The following PAFAH1B1 variants were observed in gnomAD, a reference collection of about 807,000 sequenced individuals.
The protein encoded by PAFAH1B1 is platelet-activating factor acetylhydrolase IB subunit beta.
Under a neutral mutation model 57.5 loss-of-function variants are expected in PAFAH1B1, and 2 were observed. That is an observed-to-expected ratio of 0.03 (90% CI 0.01 to 0.11). PAFAH1B1 has a LOEUF of 0.11. Among genes scored for constraint, PAFAH1B1 ranks in the 10% least tolerant of loss-of-function variants. PAFAH1B1 has a pLI of 1.00. For synonymous variants in PAFAH1B1, 152 were observed against 169.6 expected, an observed-to-expected ratio of 0.90 and a Z score of 0.81; for missense variants, 257 against 512.0, an observed-to-expected ratio of 0.50 and a Z score of 4.81.
chr17:2,657,283 A>T (rs1354723406), intron 2 of PAFAH1B1, among the ~76,000 whole-genome samples: 1 of 152,110 alleles, frequency 6.6e-6, no homozygotes, highest in Non-Finnish European at 1.5e-5. Flanking sequence ...TCACTGTGTC[A>T]CCCAGGCTGT....
intron 1 of PAFAH1B1, among the ~76,000 whole-genome samples, chr17:2,625,366 G>A (rs749921729): frequency 6.6e-5 from 10 of 152,026 alleles, no homozygotes; most frequent in Non-Finnish European, 8.8e-5. Flanking sequence ...CTTCTTATTC[G>A]TTATTTTGAC....
intron 1 of PAFAH1B1, among the ~76,000 whole-genome samples, chr17:2,607,608 C>T (rs1393196083): frequency 6.6e-6 from 1 of 151,836 alleles, no homozygotes; most frequent in Admixed American, 6.6e-5. Context: ...CTCAGCCACC[C>T]GAGTAGTTGG....
intron 8 of PAFAH1B1, 78 bp downstream of exon 8, chr17:2,674,366 T>A: frequency 5.7e-6 from 6 of 1,050,032 alleles, no homozygotes; most frequent in Non-Finnish European, 8.9e-6. Flanking sequence ...ATTCCCTGTT[T>A]CAGGGCTGTT....
intron 1 of PAFAH1B1, among the ~76,000 whole-genome samples, chr17:2,631,495 A>G (rs1169142152): frequency 3.3e-5 from 5 of 152,174 alleles, no homozygotes; most frequent in African/African-American, 9.7e-5. Flanking sequence ...GTGCCAGGCA[A>G]GAATGGGCTG....
intron 6 of PAFAH1B1, among the ~76,000 whole-genome samples, chr17:2,672,285 CA>C (rs35332619): frequency 0.032 from 2,233 of 69,274 alleles, 6 homozygotes; most frequent in African/African-American, 0.086. Context: ...CCTTGCCTCA[CA>C]AAAAAAAAAA....
At chr17:2,680,351 T>G (rs779912468) in intron 10 of PAFAH1B1, 31 bp downstream of exon 10, 1 of 1,603,934 alleles carries the variant, frequency 6.2e-7, no homozygotes, top group Admixed American at 1.7e-5. Flanking sequence ...CTCTGAACAT[T>G]AGATTTTGGA....
intron 2 of PAFAH1B1, among the ~76,000 whole-genome samples, chr17:2,655,835 C>T (rs886167409): frequency 1.3e-5 from 2 of 151,700 alleles, no homozygotes; most frequent in African/African-American, 4.8e-5. Context: ...CAGGAAACTA[C>T]ATTGAGAAAG....
At chr17:2,609,242 T>C (rs1206669826) in intron 1 of PAFAH1B1, among the ~76,000 whole-genome samples, 1 of 152,126 alleles carries the variant, frequency 6.6e-6, no homozygotes, top group Non-Finnish European at 1.5e-5. Flanking sequence ...ACTCCTGGGC[T>C]CAAGTGATCC....
At chr17:2,611,118 T>C (rs1041146204) in intron 1 of PAFAH1B1, among the ~76,000 whole-genome samples, 1 of 152,110 alleles carries the variant, frequency 6.6e-6, no homozygotes, top group Non-Finnish European at 1.5e-5. Context: ...TCTCTGTAAT[T>C]TGAAGGTGGG....
chr17:2,619,548 T>TTTTTTTTTTG (rs2068392778), intron 1 of PAFAH1B1, among the ~76,000 whole-genome samples: 4 of 142,480 alleles, frequency 2.8e-5, no homozygotes, highest in African/African-American at 9.9e-5. Flanking sequence ...TTTTTTTTTG[T>TTTTTTTTTTG]TTTTTTTCCT....
rs1181177586 is a variant in PAFAH1B1 at position 2,678,139 on chromosome 17, C to T, written c.1002+1533C>T. On this transcript the variant is annotated intron_variant, in intron 9 of 10. Coordinates refer to ENST00000397195, the MANE Select transcript of PAFAH1B1 (RefSeq NM_000430.4). ...GGGCGTGGCCAGGCGCGGTGGCTCACGCCTGTAATCCCAGCACTTTGGGAG... is the reference window on the plus strand; with the variant it reads ...GGGCGTGGCCAGGCGCGGTGGCTCATGCCTGTAATCCCAGCACTTTGGGAG... Among the ~76,000 whole-genome samples, 28 of 152,074 alleles carry T rather than the reference C, an allele frequency of 1.8e-4. 1 individual carries two copies. The highest frequency in any genetic ancestry group is 1.4e-3 in the Admixed American group (22 of 15,280).
At chr17:2,615,785 C>T (rs781656088) in intron 1 of PAFAH1B1, among the ~76,000 whole-genome samples, 20 of 152,166 alleles carry the variant, frequency 1.3e-4, no homozygotes, top group Admixed American at 6.5e-4. Context: ...AGTCTTTGAG[C>T]ACCCATCAAC....
intron 9 of PAFAH1B1, chr17:2,679,626 ATGAT>A (rs113314290): frequency 0.62 from 74,547 of 119,630 alleles, 20,469 homozygotes; most frequent in East Asian, 0.73. Context: ...GGATGATTGG[ATGAT>A]TGGATGGATG....
Position 2,647,659 on chromosome 17 carries a change from A to G in PAFAH1B1, c.32+9339A>G, listed in dbSNP as rs114612494. ...ACATTGCTCATTGCCAAATGTATTC[A>G]TCCACTCTCATGCTGCTAATAAAAA... On this transcript the variant is annotated intron_variant, in intron 2 of 10. Transcript: ENST00000397195. Among the ~76,000 whole-genome samples, 306 of 152,330 alleles carry G rather than the reference A, an allele frequency of 2.0e-3. 2 individuals are homozygous for G. The highest frequency in any genetic ancestry group is 7.1e-3 in the African/African-American group (296 of 41,574).
chr17:2,647,344 A>G (rs962938051), intron 2 of PAFAH1B1, among the ~76,000 whole-genome samples: 14 of 151,754 alleles, frequency 9.2e-5, no homozygotes, highest in African/African-American at 3.4e-4. Context: ...TCAGCCTGGG[A>G]GACAGAGTGA....
chr17:2,607,249 C>T (rs901260148), intron 1 of PAFAH1B1, among the ~76,000 whole-genome samples: 1 of 152,174 alleles, frequency 6.6e-6, no homozygotes, highest in Non-Finnish European at 1.5e-5. Flanking sequence ...TATCCGCTCA[C>T]TGCAACCTCG....
At chr17:2,660,451 G>A (rs1428201055) in intron 2 of PAFAH1B1, among the ~76,000 whole-genome samples, 2 of 151,894 alleles carry the variant, frequency 1.3e-5, no homozygotes, top group African/African-American at 4.8e-5. Context: ...CCCTCCCTGT[G>A]GTCCATGTGT....
chr17:2,647,731 G>A (rs925023368), intron 2 of PAFAH1B1, among the ~76,000 whole-genome samples: 4 of 151,938 alleles, frequency 2.6e-5, no homozygotes, highest in African/African-American at 7.3e-5. Context: ...GCAGCCGGGC[G>A]AGGTGGCTCA....
At chr17:2,623,021 C>A (rs1414088869) in intron 1 of PAFAH1B1, among the ~76,000 whole-genome samples, 1 of 152,178 alleles carries the variant, frequency 6.6e-6, no homozygotes, top group Non-Finnish European at 1.5e-5. Flanking sequence ...GTGGCTGGGA[C>A]ACAGGGTACC....
Sources: allele counts gnomAD v4.1 joint callset (sites outside exome capture counted in the v4.1 genomes callset), GRCh38; gene constraint gnomAD v4.1.1; transcripts MANE v1.5; gene names NCBI Gene and HGNC (gene_info 2026-07-23, HGNC 2026-07-21).